IGBP1: variants seen among roughly 807,000 people sequenced by gnomAD.
The protein encoded by IGBP1 is immunoglobulin binding protein 1.
A neutral mutation model predicts 25.9 loss-of-function variants in IGBP1; 2 were observed. The ratio of observed to expected loss-of-function variants is 0.08; its 90% CI spans 0.03 to 0.24. The LOEUF is 0.24. IGBP1 is among the 10% of genes least tolerant of loss of function. The pLI, the probability that IGBP1 is intolerant of heterozygous loss-of-function variation, is 1.00. For synonymous variants in IGBP1, 96 were observed against 93.4 expected (o/e 1.03, Z -0.16); for missense variants, 187 against 260.4 (o/e 0.72, Z 1.94).
chrX:70,148,024 G>C (rs2085178237), intron 4 of IGBP1, among the ~76,000 whole-genome samples: 1 of 111,782 alleles, frequency 8.9e-6, no homozygotes, highest in African/African-American at 3.2e-5. Flanking sequence ...GGACTTTTCT[G>C]GGTCCTGCCC....
At chrX:70,153,336 G>A (rs1328590944) in intron 6 of IGBP1, among the ~76,000 whole-genome samples, 1 of 112,260 alleles carries the variant, frequency 8.9e-6, no homozygotes, top group Non-Finnish European at 1.9e-5. Context: ...GAGGGGAATG[G>A]TATCAGATAG....
rs1026476669 is a variant in IGBP1 at position 70,159,412 on chromosome X, C to T, written c.872-6421C>T. Among the ~76,000 whole-genome samples the T allele has an allele frequency of 9.9e-5, 11 of 111,376 alleles. 1 individual carries two copies. The highest frequency in any genetic ancestry group is 4.8e-4 in the Admixed American group (5 of 10,515). ...GTTTCTTGGGATTAAAAAAGTTGCG[C>T]GGGGGGAATCTCTTGGTGTTGGGTG... On this transcript the variant is annotated intron_variant, in intron 6 of 6. Coordinates refer to ENST00000356413, the MANE Select transcript of IGBP1 (RefSeq NM_001551.3).
intron 6 of IGBP1, among the ~76,000 whole-genome samples, chrX:70,151,985 TATAGCACCAAAA>T (rs1272656334): frequency 8.9e-6 from 1 of 111,774 alleles, no homozygotes; most frequent in Admixed American, 9.5e-5. Flanking sequence ...CTGTTTCTAC[TATAGCACCAAAA>T]AGAGAAGAGT....
intron 6 of IGBP1, among the ~76,000 whole-genome samples, chrX:70,154,121 G>A (rs939805511): frequency 3.0e-5 from 3 of 99,439 alleles, no homozygotes; most frequent in Middle Eastern, 6.1e-3. Context: ...GCAGTGGCGC[G>A]ATCTCGGCTC....
Position 70,138,169 on chromosome X carries a change from G to A in IGBP1, c.482+3353G>A, listed in dbSNP as rs184398473. On this transcript the variant is annotated intron_variant, in intron 3 of 6. Transcript: ENST00000356413. ...AGAACATAAATGGTATTTGAGATGA[G>A]TCTTAAAGGATGGTTAAAAATAGAA... Among the ~76,000 whole-genome samples the A allele has an allele frequency of 4.2e-3, 466 of 110,068 alleles. 4 individuals are homozygous for A. Among genetic ancestry groups the A allele is most frequent in the African/African-American group, 0.015 (441 of 30,238 alleles).
intron 3 of IGBP1, among the ~76,000 whole-genome samples, chrX:70,139,026 T>C (rs1036669264): frequency 8.9e-6 from 1 of 112,186 alleles, no homozygotes; most frequent in Non-Finnish European, 1.9e-5. Context: ...GTGTTAATAC[T>C]TAGAAAATCC....
At chrX:70,147,909 C>T (rs1399134017) in intron 4 of IGBP1, among the ~76,000 whole-genome samples, 1 of 112,049 alleles carries the variant, frequency 8.9e-6, no homozygotes, top group Non-Finnish European at 1.9e-5. Flanking sequence ...ATAACATCAA[C>T]CTAGTTCTTC....
intron 3 of IGBP1, among the ~76,000 whole-genome samples, chrX:70,138,480 C>CAAAAAA (rs35566042): frequency 3.7e-5 from 2 of 54,437 alleles, no homozygotes; most frequent in East Asian, 6.5e-4. Flanking sequence ...GACCCTGTCT[C>CAAAAAA]AAAAAAAAAA....
chrX:70,139,336 AAAG>A (rs1353116061), intron 3 of IGBP1, among the ~76,000 whole-genome samples: 1 of 111,102 alleles, frequency 9.0e-6, no homozygotes, highest in Admixed American at 9.5e-5. Context: ...AAAGAAAAGA[AAAG>A]AAAAAAGAAA....
intron 3 of IGBP1, among the ~76,000 whole-genome samples, chrX:70,136,700 T>G (rs2085096682): frequency 1.0e-5 from 1 of 97,624 alleles, no homozygotes; most frequent in Non-Finnish European, 2.0e-5. Context: ...CTTTTTTCTT[T>G]ATTATTATTA....
intron 6 of IGBP1, among the ~76,000 whole-genome samples, chrX:70,161,141 C>T (rs937399399): frequency 8.9e-6 from 1 of 111,881 alleles, no homozygotes; most frequent in African/African-American, 3.2e-5. Flanking sequence ...AATTGTGATA[C>T]AGAAATATTC....
At chrX:70,152,638 A>G (rs1249054153) in intron 6 of IGBP1, among the ~76,000 whole-genome samples, 3 of 112,330 alleles carry the variant, frequency 2.7e-5, no homozygotes, top group South Asian at 3.6e-4. Flanking sequence ...TAATGAAAAG[A>G]TAAGAAATCT....
At chrX:70,155,494 CAAAA>C (rs57946963) in intron 6 of IGBP1, among the ~76,000 whole-genome samples, 1 of 36,551 alleles carries the variant, frequency 2.7e-5, no homozygotes, top group Middle Eastern at 0.013. Context: ...GACTCTGTCT[CAAAA>C]AAAAAAAAAA....
At chrX:70,134,890 T>TG in intron 3 of IGBP1, 74 bp downstream of exon 3, 1 of 995,762 alleles carries the variant, frequency 1.0e-6, no homozygotes, top group Middle Eastern at 2.6e-4. Flanking sequence ...TGGCGGGTGG[T>TG]GGGGGGCCAG....
chrX:70,140,728 G>C (rs182063864), intron 3 of IGBP1, among the ~76,000 whole-genome samples: 1 of 111,681 alleles, frequency 9.0e-6, no homozygotes, highest in African/African-American at 3.2e-5. Context: ...AGGAGTATGA[G>C]TCTGCTTGAG....
At position 70,165,902 on chromosome X, in the gene IGBP1, C is replaced by G. The variant is rs770484091; in HGVS notation, c.941C>G (p.Thr314Arg). 8.3e-7 allele frequency: 1 copy of G among 1,208,844 alleles called. No homozygotes were observed. The highest frequency in any genetic ancestry group is 1.1e-6 in the Non-Finnish European group (1 of 893,120). Residue 314 changes from threonine (T) to arginine (R), a missense_variant, in exon 7 of 7, where the codon ACA (threonine) becomes AGA (arginine). Coordinates refer to ENST00000356413, the MANE Select transcript of IGBP1 (RefSeq NM_001551.3). The stretch of plus-strand genomic sequence containing the variant: ...AAGGAGGAAGAGGATGATGAACAAA[C>G]ACTCCACAGAGCCCGGGAGTGGGAT... ...EEKEEEDDEQ[T>R]LHRAREWDDW...
chrX:70,151,034 C>T (rs1455462540), intron 6 of IGBP1, among the ~76,000 whole-genome samples: 1 of 109,533 alleles, frequency 9.1e-6, no homozygotes, highest in Non-Finnish European at 1.9e-5. Flanking sequence ...GATCTTGGCT[C>T]ACTGCAACCT....
chrX:70,141,532 G>A (rs1250400631), intron 3 of IGBP1, among the ~76,000 whole-genome samples: 1 of 111,266 alleles, frequency 9.0e-6, no homozygotes, highest in East Asian at 2.8e-4. Context: ...ACTCCTCAAG[G>A]TCAGAGACCT....
Position 70,162,255 on chromosome X carries a change from A to G in IGBP1, c.872-3578A>G, listed in dbSNP as rs1023558023. On this transcript the variant is annotated intron_variant, in intron 6 of 6. Coordinates refer to ENST00000356413, the MANE Select transcript of IGBP1 (RefSeq NM_001551.3). ...TATATAGTATTGTCCTCCAAAACCCATAACCCTAGTCTAATTCTGTAAAAA... is the reference window on the plus strand; with the variant it reads ...TATATAGTATTGTCCTCCAAAACCCGTAACCCTAGTCTAATTCTGTAAAAA... 2.7e-5 allele frequency among the ~76,000 whole-genome samples: 3 copies of G among 111,887 alleles called. No homozygotes were observed. The South Asian group carries it at 1.1e-3, about 42-fold the overall frequency.
Sources: allele counts gnomAD v4.1 joint callset (sites outside exome capture counted in the v4.1 genomes callset), GRCh38; gene constraint gnomAD v4.1.1; transcripts MANE v1.5; gene names NCBI Gene and HGNC (gene_info 2026-07-23, HGNC 2026-07-21).